Variants in TBC1D30 observed in about 807,000 individuals in gnomAD.
TBC1D30 encodes TBC1 domain family member 30.
In TBC1D30, 31 loss-of-function variants were observed where a neutral mutation model predicts 63.2. The ratio of observed to expected loss-of-function variants is 0.49; its 90% CI spans 0.37 to 0.66. The LOEUF (loss-of-function observed/expected upper bound fraction) is 0.66, where lower values mean the gene tolerates loss of function less well. Among genes scored for constraint, TBC1D30 ranks in the 30% least tolerant of loss-of-function variants. The pLI is 0.00. For missense variants in TBC1D30, 810 were observed against 953.6 expected (o/e 0.85, Z 1.98); for synonymous variants, 307 against 361.5 (o/e 0.85, Z 1.71).
intron 8 of TBC1D30, among the ~76,000 whole-genome samples, chr12:64,860,141 C>G (rs1877660233): frequency 6.6e-6 from 1 of 151,856 alleles, no homozygotes; most frequent in Non-Finnish European, 1.5e-5. Flanking sequence ...CCTCAGCCCC[C>G]CAAGTAACTG....
chr12:64,849,118 G>GT (rs987274486), intron 8 of TBC1D30, among the ~76,000 whole-genome samples: 15 of 152,076 alleles, frequency 9.9e-5, no homozygotes, highest in Admixed American at 3.3e-4. Flanking sequence ...TTTTTGATGG[G>GT]TTTTTTTGTG....
chr12:64,766,823 AG>A lies in TBC1D30; in HGVS notation c.-376+7177del, dbSNP rs542225941. On this transcript the variant is annotated intron_variant, in intron 1 of 13. Transcript: ENST00000674237. ...TAAAACAAACCTCGATAAATCTAAAAGGGTAGAAATAATACAAGTATGTTCT... is the reference window on the plus strand; with the variant it reads ...TAAAACAAACCTCGATAAATCTAAAAGGTAGAAATAATACAAGTATGTTCT... 5.6e-4 allele frequency among the ~76,000 whole-genome samples: 86 copies of A among 152,328 alleles called. 1 individual carries two copies. The South Asian group carries it at 0.017, about 30-fold the overall frequency.
At chr12:64,792,098 TTAC>T (rs1366922695) in intron 2 of TBC1D30, among the ~76,000 whole-genome samples, 1 of 152,162 alleles carries the variant, frequency 6.6e-6, no homozygotes, top group Admixed American at 6.5e-5. Context: ...AGGAATTCAC[TTAC>T]TACTTAAAAT....
intron 10 of TBC1D30, chr12:64,868,637 CTT>C (rs1160789093): frequency 3.1e-6 from 1 of 325,848 alleles, no homozygotes; most frequent in Non-Finnish European, 5.8e-6. Context: ...AATTCCTTTG[CTT>C]TTTCTTAAGG....
At chr12:64,859,432 A>G (rs1036554648) in intron 8 of TBC1D30, among the ~76,000 whole-genome samples, 3 of 152,096 alleles carry the variant, frequency 2.0e-5, no homozygotes, top group African/African-American at 4.8e-5. Flanking sequence ...GAGGAGGAAA[A>G]TGGTTTGAGT....
At chr12:64,798,789 G>A (rs1370426474) in intron 2 of TBC1D30, among the ~76,000 whole-genome samples, 4 of 150,242 alleles carry the variant, frequency 2.7e-5, no homozygotes, top group Admixed American at 2.0e-4. Flanking sequence ...TGCCAGGCTG[G>A]TCTGGCTTCA....
chr12:64,781,934 A>G (rs2136290706), intron 1 of TBC1D30, among the ~76,000 whole-genome samples: 1 of 150,984 alleles, frequency 6.6e-6, no homozygotes, highest in Admixed American at 6.6e-5. Flanking sequence ...GAGGTTTATT[A>G]CAGAATTTAA....
intron 2 of TBC1D30, among the ~76,000 whole-genome samples, chr12:64,799,134 G>A (rs1872457956): frequency 6.6e-6 from 1 of 151,996 alleles, no homozygotes; most frequent in African/African-American, 2.4e-5. Context: ...GAGAAGCCTG[G>A]GCTTCTGACG....
chr12:64,873,300 A>AT (rs1213162931), intron 11 of TBC1D30, among the ~76,000 whole-genome samples: 2 of 152,116 alleles, frequency 1.3e-5, no homozygotes, highest in African/African-American at 4.8e-5. Flanking sequence ...AAAGAAAGTA[A>AT]TGAAGATTTA....
intron 1 of TBC1D30, among the ~76,000 whole-genome samples, chr12:64,826,687 A>G (rs79158062): frequency 6.6e-6 from 1 of 152,220 alleles, no homozygotes; most frequent in Admixed American, 6.5e-5. Context: ...GAAAAAAAAA[A>G]CTTATCTATC....
At chr12:64,855,199 A>G (rs950486687) in intron 8 of TBC1D30, among the ~76,000 whole-genome samples, 20 of 151,990 alleles carry the variant, frequency 1.3e-4, no homozygotes, top group Non-Finnish European at 2.4e-4. Context: ...TGCAAGACAT[A>G]TTGGAGCTCC....
At chr12:64,844,826 TCCACAAATAAGCTC>T (rs1185479886) in intron 8 of TBC1D30, among the ~76,000 whole-genome samples, 1 of 152,172 alleles carries the variant, frequency 6.6e-6, no homozygotes, top group Non-Finnish European at 1.5e-5. Flanking sequence ...TCCATTTCCA[TCCACAAATAAGCTC>T]CCACAAATAA....
chr12:64,852,880 C>T (rs2136429423), intron 8 of TBC1D30, among the ~76,000 whole-genome samples: 1 of 152,246 alleles, frequency 6.6e-6, no homozygotes, highest in Admixed American at 6.5e-5. Context: ...CAGAGGGGCA[C>T]CTGCCAGATG....
intron 2 of TBC1D30, among the ~76,000 whole-genome samples, chr12:64,814,265 T>G (rs1263371964): frequency 6.6e-6 from 1 of 152,140 alleles, no homozygotes; most frequent in African/African-American, 2.4e-5. Flanking sequence ...TAGGCTGGTC[T>G]TAAGCTCCTG....
chr12:64,869,262 C>CT (rs1004837343), intron 10 of TBC1D30, among the ~76,000 whole-genome samples: 1 of 152,090 alleles, frequency 6.6e-6, no homozygotes, highest in African/African-American at 2.4e-5. Context: ...GCTATCTTCT[C>CT]TTTTTTTGGT....
chr12:64,865,708 T>G (rs766561879), intron 9 of TBC1D30, among the ~76,000 whole-genome samples: 1 of 151,966 alleles, frequency 6.6e-6, no homozygotes, highest in Non-Finnish European at 1.5e-5. Context: ...TTACAAAAAT[T>G]AGCAGGGTGT....
chr12:64,841,945 A>T (rs1455292727), intron 7 of TBC1D30, among the ~76,000 whole-genome samples: 2 of 152,142 alleles, frequency 1.3e-5, no homozygotes, highest in African/African-American at 2.4e-5. Context: ...TTCCATAATC[A>T]TATTATTTTG....
At chr12:64,845,776 C>T (rs1161111391) in intron 8 of TBC1D30, among the ~76,000 whole-genome samples, 3 of 151,274 alleles carry the variant, frequency 2.0e-5, no homozygotes, top group Admixed American at 2.0e-4. Context: ...TCTCGTGCCT[C>T]AGCCTCCCGA....
intron 9 of TBC1D30, 82 bp downstream of exon 9, chr12:64,864,862 GC>G: frequency 2.0e-6 from 2 of 986,100 alleles, no homozygotes; most frequent in East Asian, 2.6e-5. Context: ...TATTTATGAA[GC>G]CCCAGAGATA....
Sources: gnomAD v4.1 joint callset for allele counts (sites outside exome capture counted in the v4.1 genomes callset) on GRCh38, gnomAD v4.1.1 for gene constraint, MANE v1.5 for transcripts, NCBI Gene and HGNC (gene_info 2026-07-23, HGNC 2026-07-21) for gene names.